Variants in ASAP1 observed in about 807,000 individuals in gnomAD.
The protein encoded by ASAP1 is arf-GAP with SH3 domain, ANK repeat and PH domain-containing protein 1.
ASAP1 carries 43 observed loss-of-function variants against 145.2 expected under a neutral mutation model. The observed-to-expected ratio is 0.30, with a 90% CI of 0.23 to 0.38. The LOEUF (loss-of-function observed/expected upper bound fraction) is 0.38. ASAP1 is among the 10% of genes least tolerant of loss of function. The pLI, the probability that ASAP1 is intolerant of heterozygous loss-of-function variation, is 1.00. For missense variants in ASAP1, 1,018 were observed against 1,355.3 expected (o/e 0.75, Z 3.91); for synonymous variants, 546 against 515.5 (o/e 1.06, Z -0.80).
intron 15 of ASAP1, among the ~76,000 whole-genome samples, chr8:130,130,609 C>T (rs966993091): frequency 1.3e-5 from 2 of 152,174 alleles, no homozygotes; most frequent in Non-Finnish European, 2.9e-5. Flanking sequence ...ATACTTTAAA[C>T]GTCGCTTTGA....
intron 3 of ASAP1, among the ~76,000 whole-genome samples, chr8:130,252,151 A>G (rs1819235165): frequency 6.6e-6 from 1 of 152,236 alleles, no homozygotes; most frequent in South Asian, 2.1e-4. Context: ...GAAGGACTCT[A>G]TGGTTACTAA....
chr8:130,073,983 C>T (rs187100298), intron 27 of ASAP1, among the ~76,000 whole-genome samples: 62 of 152,106 alleles, frequency 4.1e-4, no homozygotes, highest in South Asian at 2.1e-4. Flanking sequence ...ATCTATAGAA[C>T]GAATAACACA....
intron 27 of ASAP1, among the ~76,000 whole-genome samples, chr8:130,072,822 T>TGTGTGTGTGTGTGCGCGCGTGTGC (rs1554816353): frequency 7.7e-5 from 2 of 26,058 alleles, no homozygotes; most frequent in African/African-American, 1.4e-4. Flanking sequence ...TGTGTGTGTG[T>TGTGTGTGTGTGTGCGCGCGTGTGC]GTGCGCGCGG....
intron 3 of ASAP1, among the ~76,000 whole-genome samples, chr8:130,256,215 A>G (rs1001843217): frequency 6.6e-6 from 1 of 152,190 alleles, no homozygotes; most frequent in Non-Finnish European, 1.5e-5. Context: ...GAAGTTTTCT[A>G]TAAATTAAAC....
At chr8:130,225,215 A>T (rs751047675) in intron 4 of ASAP1, among the ~76,000 whole-genome samples, 4 of 152,176 alleles carry the variant, frequency 2.6e-5, no homozygotes, top group Non-Finnish European at 5.9e-5. Context: ...TATTTCTTCC[A>T]CTTGTCTTGT....
At chr8:130,115,606 C>G (rs577418517) in intron 23 of ASAP1, 22 bp downstream of exon 23, 4 of 1,570,874 alleles carry the variant, frequency 2.5e-6, no homozygotes. Flanking sequence ...GTTGAGAATT[C>G]GAGGACATAA....
chr8:130,410,975 C>T (rs1829241525), intron 1 of ASAP1, among the ~76,000 whole-genome samples: 1 of 152,224 alleles, frequency 6.6e-6, no homozygotes, highest in South Asian at 2.1e-4. Flanking sequence ...ATTCTCCTGC[C>T]TCAGCCTCCC....
At chr8:130,142,531 C>T (rs1204780673) in intron 13 of ASAP1, among the ~76,000 whole-genome samples, 1 of 152,158 alleles carries the variant, frequency 6.6e-6, no homozygotes, top group Non-Finnish European at 1.5e-5. Flanking sequence ...ACACATGGTC[C>T]ATGCCATTAA....
At chr8:130,261,571 A>C (rs565913443) in intron 3 of ASAP1, among the ~76,000 whole-genome samples, 10 of 152,280 alleles carry the variant, frequency 6.6e-5, no homozygotes, top group Non-Finnish European at 1.2e-4. Context: ...TTGTGAGTAA[A>C]GATGACCAGG....
chr8:130,124,056 T>C lies in ASAP1; in HGVS notation c.1564A>G (p.Asn522Asp), dbSNP rs2097570991. ...NNSFNDIMEA[N>D]LPSPSPKPTP... ...GGTTTTGGTGAGGGGCTGGGTAAAT[T>C]TGCTTCCATAATATCATTAAAACTA... The change falls in exon 18 of 30, where the codon AAT becomes GAT. Residue 522 changes from asparagine to aspartate, a missense_variant. Asn to Asp is a conservative substitution (Grantham distance 23, BLOSUM62 1). Around this residue, in one of 9 missense-constraint regions of ASAP1, gnomAD observed 153 missense variants for 221.6 expected, o/e 0.69. Coordinates refer to ENST00000518721, the MANE Select transcript of ASAP1 (RefSeq NM_018482.4). 1.2e-6 allele frequency: 2 copies of C among 1,607,870 alleles called. No homozygotes were observed. The highest frequency in any genetic ancestry group is 1.3e-5 in the African/African-American group (1 of 74,382).
chr8:130,412,657 C>CTT (rs879795514), intron 1 of ASAP1, among the ~76,000 whole-genome samples: 1 of 145,730 alleles, frequency 6.9e-6, no homozygotes, highest in African/African-American at 2.5e-5. Context: ...TTCTTTTCTT[C>CTT]TTTTTTTTTT....
intron 13 of ASAP1, among the ~76,000 whole-genome samples, chr8:130,143,404 G>A (rs992212699): frequency 7.2e-6 from 1 of 138,324 alleles, no homozygotes; most frequent in Admixed American, 7.7e-5. Flanking sequence ...GTGTGTGTGA[G>A]ATGTCTGTTT....
intron 3 of ASAP1, among the ~76,000 whole-genome samples, chr8:130,299,988 T>C (rs551071333): frequency 6.6e-6 from 1 of 151,914 alleles, no homozygotes; most frequent in Non-Finnish European, 1.5e-5. Flanking sequence ...ATGCAGGATA[T>C]GGAAGTTAAT....
chr8:130,143,043 T>C (rs1171976306), intron 13 of ASAP1, among the ~76,000 whole-genome samples: 1 of 152,182 alleles, frequency 6.6e-6, no homozygotes, highest in Non-Finnish European at 1.5e-5. Context: ...CAATGCATCA[T>C]TCCACAAGTA....
intron 1 of ASAP1, among the ~76,000 whole-genome samples, chr8:130,411,428 A>T (rs1184284013): frequency 6.6e-6 from 1 of 152,182 alleles, no homozygotes; most frequent in Non-Finnish European, 1.5e-5. Context: ...TGACAACCTG[A>T]GAGGTCCCCA....
intron 5 of ASAP1, among the ~76,000 whole-genome samples, chr8:130,196,854 T>C (rs1189254938): frequency 6.6e-6 from 1 of 152,246 alleles, no homozygotes; most frequent in Non-Finnish European, 1.5e-5. Context: ...CTGTCTAGTA[T>C]ATTAACTCCT....
At chr8:130,170,573 A>C (rs1813525151) in intron 9 of ASAP1, among the ~76,000 whole-genome samples, 1 of 152,214 alleles carries the variant, frequency 6.6e-6, no homozygotes, top group Non-Finnish European at 1.5e-5. Flanking sequence ...ACAAGTTCCA[A>C]CATTTTTTAA....
intron 25 of ASAP1, among the ~76,000 whole-genome samples, chr8:130,090,215 G>C (rs1309203764): frequency 6.6e-6 from 1 of 152,150 alleles, no homozygotes; most frequent in African/African-American, 2.4e-5. Flanking sequence ...ATTTATTTGA[G>C]GAATGTTCGA....
rs147990258 is a variant in ASAP1, at chr8:130,239,401, G to A, written c.187-2407C>T. ...CTTATTATATCCATTTTATGGATGA[G>A]GAAACAGAGGCTTGGCTTAGAAAGG... On this transcript the variant is annotated intron_variant, in intron 3 of 29. Transcript: ENST00000518721. Among the ~76,000 whole-genome samples the A allele has an allele frequency of 3.3e-3, 497 of 152,174 alleles. 2 individuals carry two copies. Among genetic ancestry groups the A allele is most frequent in the African/African-American group, 0.011 (474 of 41,540 alleles).
Sources: allele counts gnomAD v4.1 joint callset (sites outside exome capture counted in the v4.1 genomes callset), GRCh38; gene constraint gnomAD v4.1.1; regional missense constraint gnomAD v4.1.1; transcripts MANE v1.5; gene names NCBI Gene and HGNC (gene_info 2026-07-23, HGNC 2026-07-21).